Variants in AMZ1 observed in about 807,000 individuals in gnomAD.
AMZ1 encodes archaelysin family metallopeptidase 1, also known as archaemetzincin-1.
Under a neutral mutation model 29.9 loss-of-function variants are expected in AMZ1, and 39 were observed. That is an observed-to-expected ratio of 1.30 (90% CI 1.01 to 1.70). The LOEUF is 1.70. Among genes scored for constraint, AMZ1 ranks in the 40% most tolerant of loss-of-function variants. The probability of loss-of-function intolerance (pLI) is 0.00; values close to 1 mark genes in which losing one functional copy is unlikely to be tolerated. For synonymous variants in AMZ1, 458 were observed against 304.0 expected (o/e 1.51, Z -5.27); for missense variants, 1,041 against 680.6 (o/e 1.53, Z -5.89).
intron 4 of AMZ1, among the ~76,000 whole-genome samples, chr7:2,753,120 G>T (rs1791117141): frequency 1.3e-5 from 2 of 151,708 alleles, no homozygotes; most frequent in South Asian, 2.1e-4. Context: ...GCCTTTTCTA[G>T]AGTGTACTTA....
chr7:2,712,933 C>T lies in AMZ1; in HGVS notation c.*55C>T. On this transcript the variant is annotated 3_prime_UTR_variant, in exon 7 of 7. Coordinates refer to ENST00000683327, the MANE Select transcript of AMZ1 (RefSeq NM_001384743.1). The stretch of plus-strand genomic sequence containing the variant: ...CCTAAGGATGCTGGCCAGCACTGTC[C>T]AGTAGCTGAGGCCACTACTGACCTG... The T allele has an allele frequency of 1.4e-6, 2 of 1,479,152 alleles. No homozygotes were observed. Among genetic ancestry groups the T allele is most frequent in the Non-Finnish European group, 1.8e-6 (2 of 1,113,886 alleles). The allele number at this position is 1,479,152 out of a possible 1,614,324, so 91.6% of individuals were successfully genotyped here. A position where few individuals can be genotyped will look rare whatever the true frequency, so the allele number is the denominator to read the frequency against.
intron 5 of AMZ1, 62 bp from the exon 6 acceptor site, chr7:2,709,577 TG>T (rs1788618113): frequency 6.4e-7 from 1 of 1,563,390 alleles, no homozygotes; most frequent in Non-Finnish European, 8.6e-7. Context: ...TGGGGCTGCC[TG>T]GGGATCTGCC....
intron 4 of AMZ1, chr7:2,733,384 G>T: frequency 1.6e-6 from 2 of 1,282,162 alleles, no homozygotes; most frequent in Non-Finnish European, 2.2e-6. Flanking sequence ...AACGTGGACT[G>T]CTTTGGTCTC....
intron 4 of AMZ1, chr7:2,728,533 C>T (rs1789724914): frequency 1.3e-5 from 2 of 152,438 alleles, no homozygotes; most frequent in Non-Finnish European, 2.9e-5. Flanking sequence ...CTTATGTGTA[C>T]ACAGTATAGC....
upstream of AMZ1, among the ~76,000 whole-genome samples, chr7:2,687,533 C>T (rs1257185088): frequency 2.6e-5 from 4 of 152,210 alleles, no homozygotes; most frequent in Non-Finnish European, 5.9e-5. Flanking sequence ...CTGTCTGGAG[C>T]CGTCATGCCG....
upstream of AMZ1, among the ~76,000 whole-genome samples, chr7:2,687,107 T>A (rs1787109810): frequency 6.6e-6 from 1 of 151,794 alleles, no homozygotes; most frequent in South Asian, 2.1e-4. Context: ...GGCGGGTGTA[T>A]CATGAGGTCA....
At chr7:2,750,373 C>G (rs1790974266) in intron 4 of AMZ1, among the ~76,000 whole-genome samples, 1 of 152,192 alleles carries the variant, frequency 6.6e-6, no homozygotes, top group South Asian at 2.1e-4. Flanking sequence ...TAGGTTATGC[C>G]TGGCTTTTAA....
chr7:2,738,830 ATT>A (rs1790346444), intron 4 of AMZ1, among the ~76,000 whole-genome samples: 1 of 152,096 alleles, frequency 6.6e-6, no homozygotes, highest in Non-Finnish European at 1.5e-5. Context: ...CCTGTTTTTT[ATT>A]TTGTTTGTTT....
At chr7:2,707,221 TGAGA>T (rs932877133) in intron 3 of AMZ1, among the ~76,000 whole-genome samples, 1 of 150,894 alleles carries the variant, frequency 6.6e-6, no homozygotes, top group Non-Finnish European at 1.5e-5. Context: ...TACAGTGAAC[TGAGA>T]TAGATAGCGC....
chr7:2,743,479 C>A (rs887234703), intron 4 of AMZ1, among the ~76,000 whole-genome samples: 1 of 152,128 alleles, frequency 6.6e-6, no homozygotes, highest in African/African-American at 2.4e-5. Flanking sequence ...TTTAAAGCAG[C>A]TATTATAATT....
In AMZ1 at chr7:2,709,127, G is replaced by A. The variant is rs527501031; in HGVS notation, c.654G>A (p.Gly218=). 14 of 1,598,772 alleles carry A rather than the reference G, an allele frequency of 8.8e-6. No homozygotes were observed. The East Asian group carries it at 2.7e-4, about 31-fold the overall frequency. Residue 218 remains glycine, a synonymous_variant, in exon 5 of 7, where the codon GGG becomes GGA. Transcript: ENST00000683327. ...TCTCAGGGGAATTCCCGAAGTCGGG[G>A]CCCAGCGCCCCTGATCTGGCCCTGG... ...ARFSGEFPKS[G]PSAPDLALVE...
Position 2,709,218 on chromosome 7 carries a change from G to A in AMZ1, c.745G>A (p.Ala249Thr). 6.6e-7 allele frequency: 1 copy of A among 1,510,062 alleles called. No individual in the cohort carries two copies. The highest frequency in any genetic ancestry group is 1.3e-5 in the South Asian group (1 of 74,868). The allele number at this position is 1,510,062 out of a possible 1,614,324, so 93.5% of individuals were successfully genotyped here. ...CAGGGGCTGGGCCCTGTGCTTCAGT[G>A]CCCTGGGGATGGTTCAGTGCTGCAA... is the stretch of plus-strand genomic sequence containing the variant. ...QDRGWALCFS[A>T]LGMVQCCKVT... The change falls in exon 5 of 7, where the codon GCC (alanine) becomes ACC (threonine). Residue 249 changes from alanine to threonine, a missense_variant. Physicochemically the swap from Ala to Thr is moderately conservative, Grantham distance 58. Coordinates refer to ENST00000683327, the MANE Select transcript of AMZ1 (RefSeq NM_001384743.1).
chr7:2,755,579 T>A (rs570310300), intron 4 of AMZ1, among the ~76,000 whole-genome samples: 1 of 152,354 alleles, frequency 6.6e-6, no homozygotes, highest in Admixed American at 6.5e-5. Flanking sequence ...AAAATTTATA[T>A]TTTGTATATG....
upstream of AMZ1, among the ~76,000 whole-genome samples, chr7:2,685,985 C>G (rs992279257): frequency 2.0e-5 from 3 of 152,046 alleles, no homozygotes; most frequent in African/African-American, 7.2e-5. Flanking sequence ...GAGTCACAAT[C>G]TATTTGTAGG....
chr7:2,686,482 C>T (rs1240415129), upstream of AMZ1, among the ~76,000 whole-genome samples: 2 of 152,002 alleles, frequency 1.3e-5, no homozygotes, highest in Non-Finnish European at 2.9e-5. Context: ...TACAGTGACT[C>T]GCGTTTATAC....
upstream of AMZ1, among the ~76,000 whole-genome samples, chr7:2,760,141 G>A (rs1478689840): frequency 2.0e-5 from 3 of 152,258 alleles, no homozygotes; most frequent in South Asian, 2.1e-4. Flanking sequence ...AGAGCCCCAC[G>A]TGATGGACGT....
At chr7:2,702,259 A>G (rs898363425) in intron 2 of AMZ1, 1 of 157,402 alleles carries the variant, frequency 6.4e-6, no homozygotes, top group African/African-American at 2.4e-5. Flanking sequence ...TTTTGCAGCC[A>G]TGCAGCCTGG....
rs1021400496 is a variant in AMZ1 at position 2,716,505 on chromosome 7, C to A, written c.*3627C>A. 3 of 85,292 alleles carry A rather than the reference C, an allele frequency of 3.5e-5. No individual in the cohort carries two copies. Among genetic ancestry groups the A allele is most frequent in the African/African-American group, 6.0e-5 (1 of 16,580 alleles). The allele number at this position is 85,292 out of a possible 1,614,324, so 5.3% of individuals were successfully genotyped here. On this transcript the variant is annotated 3_prime_UTR_variant, in exon 7 of 7. Transcript: ENST00000683327. ...CCCGATGAACGAAATCTCCAAAAGC[C>A]TTAAACATAAAATGGCTTAGTCAAG...
intron 4 of AMZ1, among the ~76,000 whole-genome samples, chr7:2,736,277 G>A (rs1156831440): frequency 1.3e-5 from 2 of 152,152 alleles, no homozygotes; most frequent in African/African-American, 2.4e-5. Context: ...GCGGTCACAC[G>A]ATCTAGAAAC....
Sources: gnomAD v4.1 joint callset for allele counts (sites outside exome capture counted in the v4.1 genomes callset) on GRCh38, gnomAD v4.1.1 for gene constraint, MANE v1.5 for transcripts, NCBI Gene and HGNC (gene_info 2026-07-23, HGNC 2026-07-21) for gene names.